The following DENND2C variants were observed in gnomAD, a reference collection of about 807,000 sequenced individuals.
DENND2C encodes DENN domain containing 2C, also known as DENN domain-containing protein 2C.
In DENND2C, 72 loss-of-function variants were observed where a neutral mutation model predicts 112.4. The observed-to-expected ratio is 0.64, with a 90% CI of 0.53 to 0.78. DENND2C has a LOEUF of 0.78. Among genes scored for constraint, DENND2C ranks in the 30% least tolerant of loss-of-function variants. The pLI is 0.00. For synonymous variants in DENND2C, 329 were observed against 381.6 expected, an observed-to-expected ratio of 0.86 and a Z score of 1.61; for missense variants, 992 against 1,113.8, an observed-to-expected ratio of 0.89 and a Z score of 1.56.
Position 114,626,199 on chromosome 1 carries a change from G to T in DENND2C, c.-204-11C>A. 1 of 479,442 alleles carries T rather than the reference G, an allele frequency of 2.1e-6. No individual in the cohort carries two copies. Among genetic ancestry groups the T allele is most frequent in the Non-Finnish European group, 3.6e-6 (1 of 275,492 alleles). The allele number at this position is 479,442 out of a possible 1,614,324, so 29.7% of individuals were successfully genotyped here. On this transcript the variant is annotated splice_polypyrimidine_tract_variant and intron_variant, in intron 3 of 20. Transcript: ENST00000393274. ...TGATCTTGAATAATCCTGTTAAAAT[G>T]ACACAAAAATATGTTAACACATTTT...
intron 8 of DENND2C, among the ~76,000 whole-genome samples, chr1:114,613,334 G>A (rs1175077238): frequency 2.0e-5 from 3 of 152,090 alleles, no homozygotes; most frequent in African/African-American, 7.2e-5. Flanking sequence ...AAATTTTCTA[G>A]GTGTGCAAGG....
intron 3 of DENND2C, among the ~76,000 whole-genome samples, chr1:114,627,058 G>A (rs1656363939): frequency 6.6e-6 from 1 of 152,054 alleles, no homozygotes; most frequent in Non-Finnish European, 1.5e-5. Flanking sequence ...GACAACTCAA[G>A]GTGCCCATGA....
chr1:114,661,106 CAAAAAAAA>C (rs61417132), intron 1 of DENND2C, among the ~76,000 whole-genome samples: 1 of 102,678 alleles, frequency 9.7e-6, no homozygotes, highest in African/African-American at 3.7e-5. Context: ...GACTCCGTCT[CAAAAAAAA>C]AAAAAAAAAA....
At chr1:114,626,793 T>C (rs1307786868) in intron 3 of DENND2C, among the ~76,000 whole-genome samples, 3 of 152,108 alleles carry the variant, frequency 2.0e-5, no homozygotes, top group Non-Finnish European at 4.4e-5. Flanking sequence ...ATTACAGGCA[T>C]GAGGTACCGC....
chr1:114,630,582 C>A (rs1300251004), intron 3 of DENND2C, among the ~76,000 whole-genome samples: 2 of 152,098 alleles, frequency 1.3e-5, no homozygotes, highest in African/African-American at 4.8e-5. Context: ...AGAACCCAAA[C>A]AGACATGGCA....
intron 7 of DENND2C, among the ~76,000 whole-genome samples, chr1:114,619,589 G>C (rs552392548): frequency 1.3e-5 from 2 of 151,912 alleles, no homozygotes; most frequent in Non-Finnish European, 2.9e-5. Context: ...CAACATTTTT[G>C]GATGAGTTTG....
chr1:114,640,669 G>T (rs746619568), intron 3 of DENND2C, among the ~76,000 whole-genome samples: 62 of 152,170 alleles, frequency 4.1e-4, no homozygotes, highest in Non-Finnish European at 7.1e-4. Flanking sequence ...AATCTTTAAA[G>T]AAAATAGTCT....
intron 1 of DENND2C, among the ~76,000 whole-genome samples, chr1:114,668,520 AACACAC>A (rs71580644): frequency 5.9e-4 from 87 of 146,842 alleles, no homozygotes; most frequent in African/African-American, 1.6e-3. Flanking sequence ...TGCCACATTC[AACACAC>A]ACACACACAC....
rs779203436 is a variant in DENND2C, at chr1:114,595,868, C to T, written c.2289G>A (p.Leu763=). ...ACTTGTCTGCACAGAGATCAACTAT[C>T]AGCACCTATGAAATAAAGGAGCCAG... ...QLQDLPIEEV[L]IVDLCADKFL... The change falls in exon 17 of 21, where the codon CTG becomes CTA. Residue 763 remains leucine, a synonymous_variant. Transcript: ENST00000393274. The T allele has an allele frequency of 5.0e-6, 8 of 1,613,772 alleles. No individual in the cohort carries two copies. The Admixed American group carries it at 1.2e-4, about 24-fold the overall frequency.
chr1:114,604,277 A>T (rs1315788168), intron 11 of DENND2C, among the ~76,000 whole-genome samples: 1 of 152,244 alleles, frequency 6.6e-6, no homozygotes, highest in Non-Finnish European at 1.5e-5. Context: ...CAATGAATAA[A>T]GCTTTTCAAA....
rs7530320 is a variant in DENND2C, at chr1:114,626,201, C to T, written c.-204-13G>A. On this transcript the variant is annotated splice_polypyrimidine_tract_variant and intron_variant, in intron 3 of 20. Coordinates refer to ENST00000393274, the MANE Select transcript of DENND2C (RefSeq NM_001256404.2). ...ATCTTGAATAATCCTGTTAAAATGACACAAAAATATGTTAACACATTTTAT... is the reference window on the plus strand; with the variant it reads ...ATCTTGAATAATCCTGTTAAAATGATACAAAAATATGTTAACACATTTTAT... The T allele has an allele frequency of 0.21, 98,145 of 463,880 alleles. 12,765 individuals carry two copies. The highest frequency in any genetic ancestry group is 0.27 in the Non-Finnish European group (71,793 of 264,048). 28.7% of individuals were successfully genotyped at this position (463,880 alleles called of 1,614,324 possible). A position where few individuals can be genotyped will look rare whatever the true frequency, so the allele number is the denominator to read the frequency against.
At position 114,625,894 on chromosome 1, in the gene DENND2C, T is replaced by G. The variant is rs1331801428; in HGVS notation, c.91A>C (p.Arg31=). ...IKQKISQWEG[R]ANGISNPEKW... is the part of the protein sequence containing the mutation. ...TCTGGATTAGATATACCATTAGCCC[T>G]TCCTTCCCATTGAGAAATTTTTTGT... is the stretch of plus-strand genomic sequence containing the variant. Residue 31 remains arginine, a synonymous_variant, in exon 4 of 21, where the codon AGG becomes CGG. Coordinates refer to ENST00000393274, the MANE Select transcript of DENND2C (RefSeq NM_001256404.2). 2 of 1,614,138 alleles carry G rather than the reference T, an allele frequency of 1.2e-6. No homozygotes were observed. The highest frequency in any genetic ancestry group is 3.3e-5 in the Admixed American group (2 of 60,024).
At chr1:114,605,909 C>T (rs114022420) in intron 10 of DENND2C, among the ~76,000 whole-genome samples, 71 of 152,292 alleles carry the variant, frequency 4.7e-4, no homozygotes, top group African/African-American at 1.6e-3. Flanking sequence ...AAAATTTTAG[C>T]ATAGAAGATC....
intron 8 of DENND2C, 70 bp from the exon 9 acceptor site, chr1:114,611,187 TA>T: frequency 6.4e-7 from 1 of 1,564,992 alleles, no homozygotes; most frequent in Non-Finnish European, 8.8e-7. Flanking sequence ...GAGAACAATG[TA>T]AACCCACAAA....
chr1:114,620,382 C>T (rs1570779090), intron 7 of DENND2C, among the ~76,000 whole-genome samples: 1 of 152,144 alleles, frequency 6.6e-6, no homozygotes, highest in Non-Finnish European at 1.5e-5. Flanking sequence ...CAATCAGATA[C>T]AGAACAAGTT....
At chr1:114,589,019 T>A (rs948914400) in intron 18 of DENND2C, among the ~76,000 whole-genome samples, 14 of 152,224 alleles carry the variant, frequency 9.2e-5, no homozygotes, top group African/African-American at 2.9e-4. Context: ...ATTTTTCTTT[T>A]ACAGAGGAAA....
intron 3 of DENND2C, among the ~76,000 whole-genome samples, chr1:114,630,463 T>A (rs982039295): frequency 6.6e-6 from 1 of 152,136 alleles, no homozygotes; most frequent in Admixed American, 6.5e-5. Flanking sequence ...AGATACTGGA[T>A]AACAGACAGC....
rs571143507 is a variant in DENND2C, at chr1:114,665,590, A to G, written c.-574+4393T>C. Among the ~76,000 whole-genome samples the G allele has an allele frequency of 5.3e-5, 8 of 152,324 alleles. No individual in the cohort carries two copies. The South Asian group carries it at 1.7e-3, about 32-fold the overall frequency. ...TCACATGTTGACTAACAATATTTTC[A>G]ACTTATGATGGGTTTATTCAGACAT... On this transcript the variant is annotated intron_variant, in intron 1 of 20. Transcript: ENST00000393274.
intron 17 of DENND2C, among the ~76,000 whole-genome samples, chr1:114,594,977 G>T (rs111449977): frequency 4.2e-4 from 64 of 152,304 alleles, no homozygotes; most frequent in African/African-American, 1.4e-3. Flanking sequence ...GCGGAGGGCT[G>T]CTCTGAGGAG....
Sources: gnomAD v4.1 joint callset for allele counts (sites outside exome capture counted in the v4.1 genomes callset) on GRCh38, gnomAD v4.1.1 for gene constraint, MANE v1.5 for transcripts, NCBI Gene and HGNC (gene_info 2026-07-23, HGNC 2026-07-21) for gene names.